Variants in INTS7 observed in about 807,000 individuals in gnomAD.
INTS7 encodes chromosome 1 open reading frame 73.
Under a neutral mutation model 109.2 loss-of-function variants are expected in INTS7, and 46 were observed. The observed-to-expected ratio is 0.42, with a 90% CI of 0.33 to 0.54. INTS7 has a LOEUF of 0.54. Among genes scored for constraint, INTS7 ranks in the 20% least tolerant of loss-of-function variants. The pLI is 0.07. For synonymous variants in INTS7, 412 were observed against 402.9 expected (o/e 1.02, Z -0.27); for missense variants, 929 against 1,132.4 (o/e 0.82, Z 2.58).
At chr1:211,966,860 TA>T (rs528302284) in intron 15 of INTS7, among the ~76,000 whole-genome samples, 25 of 148,822 alleles carry the variant, frequency 1.7e-4, no homozygotes, top group African/African-American at 3.4e-4. Context: ...TGATAAAAGT[TA>T]AAAAAAAAAT....
chr1:211,983,614 T>C (rs2102430912), intron 8 of INTS7, among the ~76,000 whole-genome samples: 1 of 152,324 alleles, frequency 6.6e-6, no homozygotes, highest in East Asian at 1.9e-4. Flanking sequence ...CTCCCATTCC[T>C]GTCTTCTTTT....
chr1:212,022,446 C>T (rs1453303345), intron 1 of INTS7, among the ~76,000 whole-genome samples: 1 of 152,116 alleles, frequency 6.6e-6, no homozygotes, highest in African/African-American at 2.4e-5. Flanking sequence ...TGTTGTAATT[C>T]CATAATACAA....
chr1:212,026,847 T>C (rs1188104520), intron 1 of INTS7, among the ~76,000 whole-genome samples: 2 of 152,240 alleles, frequency 1.3e-5, no homozygotes, highest in Non-Finnish European at 2.9e-5. Flanking sequence ...AAACAGCCTA[T>C]GTACAGGTAG....
At chr1:211,975,070 G>T (rs41502452) in intron 13 of INTS7, 96 bp downstream of exon 13, 15,532 of 787,348 alleles carry the variant, frequency 0.02, 206 homozygotes, top group African/African-American at 0.044. Flanking sequence ...ATATCAGCAG[G>T]TTTCTCAAGT....
intron 4 of INTS7, among the ~76,000 whole-genome samples, chr1:212,015,595 G>A (rs1257823615): frequency 6.6e-5 from 10 of 151,390 alleles, no homozygotes; most frequent in Admixed American, 5.9e-4. Flanking sequence ...CCTCTGCCTA[G>A]GAAAACCACA....
Position 212,035,442 on chromosome 1 carries a change from C to A in INTS7, c.-5G>T, listed in dbSNP as rs746943279. ...CTTAGTTGAGTTTGACGCCATGACC[C>A]GAATAGTTACTCGACTAGCCTAGTC... On this transcript the variant is annotated 5_prime_UTR_variant, in exon 1 of 20. Transcript: ENST00000366994. 6.2e-7 allele frequency: 1 copy of A among 1,604,660 alleles called. No homozygotes were observed. Among genetic ancestry groups the A allele is most frequent in the Non-Finnish European group, 8.5e-7 (1 of 1,171,414 alleles).
intron 16 of INTS7, among the ~76,000 whole-genome samples, chr1:211,957,300 CT>C (rs58196309): frequency 0.034 from 5,212 of 152,210 alleles, 300 homozygotes; most frequent in African/African-American, 0.12. Flanking sequence ...AATCCCAGCA[CT>C]TTGGCAGGCT....
rs1162066720 is a variant in INTS7, at chr1:211,994,989, T to TA, written c.880-6987dup. On this transcript the variant is annotated intron_variant, in intron 7 of 19. Transcript: ENST00000366994. ...TTACAAAAAAGAAACTTCATAGTAT[T>TA]AAAAAAAAAGATAACTGGCAATTAG... Among the ~76,000 whole-genome samples the TA allele has an allele frequency of 7.3e-5, 11 of 151,130 alleles. No homozygotes were observed. In the East Asian group the frequency reaches 9.7e-4, roughly 13 times the overall value.
At chr1:211,954,872 T>C (rs1417226804) in intron 16 of INTS7, among the ~76,000 whole-genome samples, 2 of 152,086 alleles carry the variant, frequency 1.3e-5, no homozygotes, top group African/African-American at 4.8e-5. Flanking sequence ...ATTGACTTGG[T>C]GATGTGGGCT....
intron 8 of INTS7, among the ~76,000 whole-genome samples, chr1:211,984,341 C>A (rs1262073439): frequency 6.6e-6 from 1 of 151,354 alleles, no homozygotes; most frequent in East Asian, 1.9e-4. Flanking sequence ...CAACACTCAC[C>A]ATAGAAAACT....
chr1:212,021,331 T>A (rs1462546456), intron 1 of INTS7, 119 bp from the exon 2 acceptor site: 3 of 830,092 alleles, frequency 3.6e-6, no homozygotes, highest in African/African-American at 3.6e-5. Context: ...AAGAAGCAGG[T>A]AAAGTATAAT....
At chr1:212,029,070 A>T (rs1485721262) in intron 1 of INTS7, among the ~76,000 whole-genome samples, 2 of 152,188 alleles carry the variant, frequency 1.3e-5, no homozygotes, top group African/African-American at 4.8e-5. Context: ...AATTCTAGGG[A>T]ATTAGGGGAA....
rs73072526 is a variant in INTS7 at position 212,011,524 on chromosome 1, T to C, written c.510-103A>G. ...CAATTAGCGCAGAAGAAATACAATA[T>C]TCCAAACTGCAACTAATATTCCAAG... On this transcript the variant is annotated intron_variant, in intron 4 of 19. Transcript: ENST00000366994. 7,554 of 725,054 alleles carry C rather than the reference T, an allele frequency of 0.01. 410 individuals are homozygous for C. In the African/African-American group the frequency reaches 0.12, roughly 11 times the overall value. 44.9% of individuals were successfully genotyped at this position (725,054 alleles called of 1,614,324 possible).
intron 13 of INTS7, among the ~76,000 whole-genome samples, chr1:211,973,334 A>G (rs1664263375): frequency 6.6e-6 from 1 of 152,262 alleles, no homozygotes; most frequent in South Asian, 2.1e-4. Context: ...TTTGTTACAC[A>G]GCACAGAAAG....
chr1:212,011,573 G>A lies in INTS7; in HGVS notation c.510-152C>T, dbSNP rs1032892738. The A allele has an allele frequency of 6.6e-6, 4 of 602,212 alleles. No individual in the cohort carries two copies. In the African/African-American group the frequency reaches 7.5e-5, roughly 11 times the overall value. The allele number at this position is 602,212 out of a possible 1,614,324, so 37.3% of individuals were successfully genotyped here. On this transcript the variant is annotated intron_variant, in intron 4 of 19. Transcript: ENST00000366994. ...AGGTCAGGTGCTCGGGTTAGGGGAG[G>A]TGGTAAGAAACACAACTAAAACAAA...
chr1:211,966,007 C>G (rs1663860234), intron 16 of INTS7: 1 of 154,320 alleles, frequency 6.5e-6, no homozygotes, highest in Non-Finnish European at 1.4e-5. Context: ...AAAAAGGAAT[C>G]ATTCTTTAAT....
chr1:212,023,045 C>A (rs1666774802), intron 1 of INTS7, among the ~76,000 whole-genome samples: 1 of 152,192 alleles, frequency 6.6e-6, no homozygotes, highest in African/African-American at 2.4e-5. Flanking sequence ...AGGGTAATGG[C>A]CTCCAGCTGC....
intron 7 of INTS7, among the ~76,000 whole-genome samples, chr1:211,997,922 C>T (rs1665483312): frequency 6.6e-6 from 1 of 151,592 alleles, no homozygotes; most frequent in Non-Finnish European, 1.5e-5. Context: ...GTCAATTCGT[C>T]CCAAATTGAT....
rs144330561 is a variant in INTS7, at chr1:212,013,076, C to T, written c.510-1655G>A. Among the ~76,000 whole-genome samples, 986 of 152,296 alleles carry T rather than the reference C, an allele frequency of 6.5e-3. 14 individuals carry two copies. Among genetic ancestry groups the T allele is most frequent in the African/African-American group, 0.022 (910 of 41,558 alleles). On this transcript the variant is annotated intron_variant, in intron 4 of 19. Coordinates refer to ENST00000366994, the MANE Select transcript of INTS7 (RefSeq NM_015434.4). The stretch of plus-strand genomic sequence containing the variant: ...TGCAGCATAACAACGTTTTGGTCAA[C>T]AACACACTACATACTGACAGTGGCC...
Sources: gnomAD v4.1 joint callset for allele counts (sites outside exome capture counted in the v4.1 genomes callset) on GRCh38, gnomAD v4.1.1 for gene constraint, MANE v1.5 for transcripts, NCBI Gene and HGNC (gene_info 2026-07-23, HGNC 2026-07-21) for gene names.